The following SLC35B3 variants were observed in gnomAD, a reference collection of about 807,000 sequenced individuals.
SLC35B3 encodes the protein solute carrier family 35 member B3.
A neutral mutation model predicts 44.1 loss-of-function variants in SLC35B3; 35 were observed. That is an observed-to-expected ratio of 0.79 (90% confidence interval 0.61 to 1.05). SLC35B3 has a LOEUF of 1.05. Among genes scored for constraint, SLC35B3 ranks in the 50% least tolerant of loss-of-function variants. The pLI is 0.00. For missense variants in SLC35B3, 414 were observed against 476.4 expected (o/e 0.87, Z 1.22); for synonymous variants, 146 against 167.3 (o/e 0.87, Z 0.98).
chr6:8,435,367 AGGGTGAC>A lies in SLC35B3; in HGVS notation c.-75_-69del. 1 of 1,288,944 alleles carries A rather than the reference AGGGTGAC, an allele frequency of 7.8e-7. No homozygotes were observed. Among genetic ancestry groups the A allele is most frequent in the Non-Finnish European group, 1.0e-6 (1 of 988,788 alleles). The allele number at this position is 1,288,944 out of a possible 1,614,324, so 79.8% of individuals were successfully genotyped here. A position where few individuals can be genotyped will look rare whatever the true frequency, so the allele number is the denominator to read the frequency against. On this transcript the variant is annotated 5_prime_UTR_variant, in exon 1 of 11. It introduces an in-frame stop codon into an upstream open reading frame of the 5' UTR. Coordinates refer to ENST00000644923, the MANE Select transcript of SLC35B3 (RefSeq NM_001370476.2). This position sits in a 1 kb window ranked among gnomAD's most constrained non-coding sequence, Gnocchi z 5.5. ...CCCCAAGGCCGGTATGTCACCCGGA[AGGGTGAC>A]GGCAGCCTGCGTGGCGTCTGAGCTA...
chr6:8,423,830 C>A (rs183223117), intron 4 of SLC35B3, among the ~76,000 whole-genome samples: 1 of 152,284 alleles, frequency 6.6e-6, no homozygotes, highest in Admixed American at 6.5e-5. Context: ...GTGGAAACAA[C>A]TTGGCATGCC....
At chr6:8,428,157 C>T in intron 3 of SLC35B3, 99 bp from the exon 3 acceptor site, 3 of 1,092,488 alleles carry the variant, frequency 2.7e-6, no homozygotes, top group Non-Finnish European at 3.7e-6. Flanking sequence ...AAACCAAGCC[C>T]CACCTCCAAC....
rs906248717 is a variant in SLC35B3 at position 8,433,675 on chromosome 6, T to C, written c.3+710A>G. 3.9e-5 allele frequency among the ~76,000 whole-genome samples: 6 copies of C among 152,274 alleles called. No individual in the cohort carries two copies. The highest frequency in any genetic ancestry group is 1.9e-4 in the East Asian group (1 of 5,176). On this transcript the variant is annotated intron_variant, in intron 2 of 10. Transcript: ENST00000644923. The surrounding 1 kb of genome is among the most constrained non-coding windows in gnomAD (Gnocchi z 4.1). ...GCTACTGAAACTCCCCACAAAACAT[T>C]TGAAATGAACATGAAAATAAATTTG...
chr6:8,412,645 G>T lies in SLC35B3; in HGVS notation c.*904C>A, dbSNP rs1481787094. Among the ~76,000 whole-genome samples, 3 of 152,158 alleles carry T rather than the reference G, an allele frequency of 2.0e-5. No homozygotes were observed. Among genetic ancestry groups the T allele is most frequent in the African/African-American group, 7.2e-5 (3 of 41,448 alleles). Reference sequence around the variant, plus strand: ...GGTCCCCAACCCTTTTGGCAGTAGGGACTAGTTTCGTGGAAGACAATTTTT... The same window carrying T: ...GGTCCCCAACCCTTTTGGCAGTAGGTACTAGTTTCGTGGAAGACAATTTTT... On this transcript the variant is annotated 3_prime_UTR_variant, in exon 11 of 11. Coordinates refer to ENST00000644923, the MANE Select transcript of SLC35B3 (RefSeq NM_001370476.2).
At chr6:8,431,617 T>C (rs1221360943) in intron 2 of SLC35B3, among the ~76,000 whole-genome samples, 1 of 152,242 alleles carries the variant, frequency 6.6e-6, no homozygotes, top group Non-Finnish European at 1.5e-5. Context: ...TTTCCTTTGT[T>C]CTTGCTTCCC....
intron 10 of SLC35B3, among the ~76,000 whole-genome samples, chr6:8,414,682 T>G (rs1352033968): frequency 1.3e-5 from 2 of 151,816 alleles, no homozygotes; most frequent in African/African-American, 4.8e-5. Flanking sequence ...AATAATAAAT[T>G]ACCAACATTT....
rs1319713876 is a variant in SLC35B3, at chr6:8,435,378, A to G, written c.-79T>C. ...GTATGTCACCCGGAAGGGTGACGGC[A>G]GCCTGCGTGGCGTCTGAGCTAGACG... On this transcript the variant is annotated 5_prime_UTR_variant, in exon 1 of 11. Coordinates refer to ENST00000644923, the MANE Select transcript of SLC35B3 (RefSeq NM_001370476.2). This position sits in a 1 kb window ranked among gnomAD's most constrained non-coding sequence, Gnocchi z 5.5. 2.3e-6 allele frequency: 3 copies of G among 1,288,750 alleles called. No homozygotes were observed. Among genetic ancestry groups the G allele is most frequent in the Admixed American group, 2.3e-5 (1 of 43,552 alleles). The allele number at this position is 1,288,750 out of a possible 1,614,324, so 79.8% of individuals were successfully genotyped here. A position where few individuals can be genotyped will look rare whatever the true frequency, so the allele number is the denominator to read the frequency against.
chr6:8,418,510 C>A (rs1762612934), intron 7 of SLC35B3, among the ~76,000 whole-genome samples: 1 of 148,436 alleles, frequency 6.7e-6, no homozygotes. Context: ...CATAATTTTC[C>A]TATATAAAAA....
Position 8,412,139 on chromosome 6 carries a change from A to G in SLC35B3, c.*1410T>C, listed in dbSNP as rs1762080156. ...GTTTGGCCCTTCATCATATAAGGACATAATGAGAAGGCTCCTTCTGTGAAC... is the reference window on the plus strand; with the variant it reads ...GTTTGGCCCTTCATCATATAAGGACGTAATGAGAAGGCTCCTTCTGTGAAC... On this transcript the variant is annotated 3_prime_UTR_variant, in exon 11 of 11. Coordinates refer to ENST00000644923, the MANE Select transcript of SLC35B3 (RefSeq NM_001370476.2). 6.6e-6 allele frequency among the ~76,000 whole-genome samples: 1 copy of G among 152,218 alleles called. No individual in the cohort carries two copies. The highest frequency in any genetic ancestry group is 2.4e-5 in the African/African-American group (1 of 41,466).
At chr6:8,426,463 A>C (rs57036990) in intron 4 of SLC35B3, among the ~76,000 whole-genome samples, 1 of 152,098 alleles carries the variant, frequency 6.6e-6, no homozygotes, top group South Asian at 2.1e-4. Flanking sequence ...TTTCCCCCAT[A>C]TTGTTCTCAT....
intron 10 of SLC35B3, among the ~76,000 whole-genome samples, 186 bp downstream of exon 9, chr6:8,414,722 A>G (rs1362680533): frequency 6.6e-6 from 1 of 152,192 alleles, no homozygotes; most frequent in Non-Finnish European, 1.5e-5. Flanking sequence ...ACTGATAGTT[A>G]AGAGATCAAG....
At chr6:8,425,852 T>C (rs1331284535) in intron 4 of SLC35B3, among the ~76,000 whole-genome samples, 1 of 151,994 alleles carries the variant, frequency 6.6e-6, no homozygotes, top group Non-Finnish European at 1.5e-5. Flanking sequence ...ACCAAGAACA[T>C]TTTATATTCA....
At chr6:8,430,269 T>C in intron 2 of SLC35B3, 112 bp from the exon 2 acceptor site, 1 of 970,682 alleles carries the variant, frequency 1.0e-6, no homozygotes, top group Non-Finnish European at 1.5e-6. Context: ...CTCTGGATAT[T>C]AGTATATTAA....
intron 2 of SLC35B3, among the ~76,000 whole-genome samples, chr6:8,431,895 C>A (rs1764025008): frequency 6.6e-6 from 1 of 152,180 alleles, no homozygotes; most frequent in African/African-American, 2.4e-5. Flanking sequence ...AAGCCCTAAA[C>A]CACCCATGTT....
Position 8,420,592 on chromosome 6 carries a change from C to A in SLC35B3, c.682+129G>T, listed in dbSNP as rs1762805250. 4.8e-6 allele frequency: 3 copies of A among 620,936 alleles called. No homozygotes were observed. The highest frequency in any genetic ancestry group is 8.5e-6 in the Non-Finnish European group (3 of 354,414). The allele number at this position is 620,936 out of a possible 1,614,324, so 38.5% of individuals were successfully genotyped here. Reference sequence around the variant, plus strand: ...TTCACTACATCTTATATGGAAAGTCCAAAAGCTTTATGTTAGATATGAAAA... The same window carrying A: ...TTCACTACATCTTATATGGAAAGTCAAAAAGCTTTATGTTAGATATGAAAA... On this transcript the variant is annotated intron_variant, in intron 6 of 10. Coordinates refer to ENST00000644923, the MANE Select transcript of SLC35B3 (RefSeq NM_001370476.2). The surrounding 1 kb of genome is among the most constrained non-coding windows in gnomAD (Gnocchi z 4.4).
Position 8,435,452 on chromosome 6 carries a change from T to A in SLC35B3, c.-153A>T, listed in dbSNP as rs1764411290. 2 of 1,203,012 alleles carry A rather than the reference T, an allele frequency of 1.7e-6. No individual in the cohort carries two copies. The highest frequency in any genetic ancestry group is 3.1e-5 in the African/African-American group (2 of 64,084). The allele number at this position is 1,203,012 out of a possible 1,614,324, so 74.5% of individuals were successfully genotyped here. On this transcript the variant is annotated 5_prime_UTR_variant, in exon 1 of 11. Transcript: ENST00000644923. This position sits in a 1 kb window ranked among gnomAD's most constrained non-coding sequence, Gnocchi z 5.5. ...CGTCGCCATCACCTCCTCTTCCTCC[T>A]CCTCCTCGCCCACTCCTGCACTTTC...
chr6:8,412,894 C>T lies in SLC35B3; in HGVS notation c.*655G>A, dbSNP rs150357767. ...CTTGTCAGCCTCTCACCTCTTGTTG[C>T]GTGGTCTGGTTCCTAACAGGCCACG... On this transcript the variant is annotated 3_prime_UTR_variant, in exon 11 of 11. Transcript: ENST00000644923. Among the ~76,000 whole-genome samples the T allele has an allele frequency of 7.8e-3, 1,194 of 152,240 alleles. 12 individuals are homozygous for T. Among genetic ancestry groups the T allele is most frequent in the South Asian group, 0.034 (165 of 4,818 alleles).
rs1344680910 is a variant in SLC35B3, at chr6:8,412,743, G to A, written c.*806C>T. Among the ~76,000 whole-genome samples the A allele has an allele frequency of 6.6e-6, 1 of 152,144 alleles. No homozygotes were observed. Among genetic ancestry groups the A allele is most frequent in the African/African-American group, 2.4e-5 (1 of 41,442 alleles). On this transcript the variant is annotated 3_prime_UTR_variant, in exon 11 of 11. Transcript: ENST00000644923. ...TTCCACTTCAGATCATCAGGCATTA[G>A]ATTCTCAAAAGGAGTGTACAACCCA...
At position 8,433,244 on chromosome 6, in the gene SLC35B3, G is replaced by A. The variant is rs1426064384; in HGVS notation, c.3+1141C>T. Among the ~76,000 whole-genome samples the A allele has an allele frequency of 1.3e-5, 2 of 152,082 alleles. No individual in the cohort carries two copies. Among genetic ancestry groups the A allele is most frequent in the African/African-American group, 2.4e-5 (1 of 41,398 alleles). ...TGACCCATCTGTCACATGGCTCAAC[G>A]TGAAGTCTGATCATGCTGCATCCAT... is the stretch of plus-strand genomic sequence containing the variant. On this transcript the variant is annotated intron_variant, in intron 2 of 10. Transcript: ENST00000644923. The surrounding 1 kb of genome is among the most constrained non-coding windows in gnomAD (Gnocchi z 4.1).
Sources: gnomAD v4.1 joint callset for allele counts (sites outside exome capture counted in the v4.1 genomes callset) on GRCh38, gnomAD v4.1.1 for gene constraint, Gnocchi (gnomAD v3.1) non-coding constraint, MANE v1.5 for transcripts, NCBI Gene and HGNC (gene_info 2026-07-23, HGNC 2026-07-21) for gene names.